Variants in HHIPL1 observed in about 807,000 individuals in gnomAD.
The protein encoded by HHIPL1 is HHIP-like protein 1.
In HHIPL1, 43 loss-of-function variants were observed where a neutral mutation model predicts 61.8. The observed-to-expected ratio is 0.70, with a 90% CI of 0.55 to 0.90. The LOEUF is 0.90. Ranked by LOEUF, HHIPL1 falls within the 40% of genes least tolerant of loss-of-function variation. The probability of loss-of-function intolerance (pLI) is 0.00; values close to 1 mark genes in which losing one functional copy is unlikely to be tolerated. For synonymous variants in HHIPL1, 482 were observed against 515.8 expected (o/e 0.93, Z 0.89); for missense variants, 1,056 against 1,157.7 (o/e 0.91, Z 1.28).
rs60594247 is a variant in HHIPL1, at chr14:99,678,547, C to T, written c.*2921C>T. The T allele has an allele frequency of 5.6e-4, 85 of 152,224 alleles. No individual in the cohort carries two copies. The highest frequency in any genetic ancestry group is 2.0e-3 in the African/African-American group (81 of 41,514). 9.4% of individuals were successfully genotyped at this position (152,224 alleles called of 1,614,324 possible). Reference sequence around the variant, plus strand: ...CTATGTCCATTGGCAGAAGCCAGACCGCACAATCTAAACTAAAACCCGATT... The same window carrying T: ...CTATGTCCATTGGCAGAAGCCAGACTGCACAATCTAAACTAAAACCCGATT... On this transcript the variant is annotated 3_prime_UTR_variant, in exon 9 of 9. Coordinates refer to ENST00000330710, the MANE Select transcript of HHIPL1 (RefSeq NM_001127258.3).
chr14:99,675,888 C>A lies in HHIPL1; in HGVS notation c.*262C>A, dbSNP rs1280514266. 1.0e-5 allele frequency: 4 copies of A among 397,462 alleles called. No individual in the cohort carries two copies. Among genetic ancestry groups the A allele is most frequent in the East Asian group, 3.7e-5 (1 of 26,740 alleles). The allele number at this position is 397,462 out of a possible 1,614,324, so 24.6% of individuals were successfully genotyped here. On this transcript the variant is annotated 3_prime_UTR_variant, in exon 9 of 9. Coordinates refer to ENST00000330710, the MANE Select transcript of HHIPL1 (RefSeq NM_001127258.3). This position sits in a 1 kb window ranked among gnomAD's most constrained non-coding sequence, Gnocchi z 5.4. ...GAGGAGTTCCTTTCTTACCTCCAAG[C>A]GTTTCAGACACCAGCAGGAACAGCA...
In HHIPL1 at chr14:99,676,871, TG is replaced by T. The variant is rs56356454; in HGVS notation, c.*1251del. 0.95 allele frequency: 141,031 copies of T among 147,784 alleles called. 67,473 individuals are homozygous for T. Among genetic ancestry groups the T allele is most frequent in the East Asian group, 1 (4,956 of 4,958 alleles). The allele number at this position is 147,784 out of a possible 1,614,324, so 9.2% of individuals were successfully genotyped here. A position where few individuals can be genotyped will look rare whatever the true frequency, so the allele number is the denominator to read the frequency against. On this transcript the variant is annotated 3_prime_UTR_variant, in exon 9 of 9. Transcript: ENST00000330710. Reference sequence around the variant, plus strand: ...GCTCAGCCTCGGATGGGAGCACGGGTGGGGGGTGGGTAAGCAGATGAGTCAC... The same window carrying T: ...GCTCAGCCTCGGATGGGAGCACGGGTGGGGGTGGGTAAGCAGATGAGTCAC...
the HHIPL1 span, among the ~76,000 whole-genome samples, chr14:99,633,650 A>G: frequency 6.6e-6 from 1 of 152,178 alleles, no homozygotes; most frequent in Non-Finnish European, 1.5e-5. Context: ...ATTGGGTTTA[A>G]CTATCCCGCT....
chr14:99,661,580 A>T (rs2056154927), intron 5 of HHIPL1, among the ~76,000 whole-genome samples: 1 of 151,772 alleles, frequency 6.6e-6, no homozygotes, highest in South Asian at 2.1e-4. Flanking sequence ...CAATCCTCCC[A>T]CCTCAGCCTC....
intron 2 of HHIPL1, among the ~76,000 whole-genome samples, chr14:99,653,584 C>T (rs888127373): frequency 1.3e-5 from 2 of 152,164 alleles, no homozygotes; most frequent in Admixed American, 6.5e-5. Context: ...CTGCCCGCCT[C>T]GGCCGAAGGT....
intron 2 of HHIPL1, among the ~76,000 whole-genome samples, chr14:99,653,589 G>A (rs1383955663): frequency 2.0e-5 from 3 of 151,922 alleles, no homozygotes; most frequent in South Asian, 2.1e-4. Context: ...CGCCTCGGCC[G>A]AAGGTGCCAT....
chr14:99,608,600 C>G, the HHIPL1 span, among the ~76,000 whole-genome samples: 1 of 152,176 alleles, frequency 6.6e-6, no homozygotes. Context: ...GGTGGCTGAC[C>G]AGGTCTGGGC....
the HHIPL1 span, among the ~76,000 whole-genome samples, chr14:99,634,935 GC>G: frequency 1.3e-5 from 2 of 152,172 alleles, no homozygotes; most frequent in African/African-American, 4.8e-5. Flanking sequence ...AGTGTAATGA[GC>G]CCCCCATCTC....
chr14:99,610,686 G>A, the HHIPL1 span, among the ~76,000 whole-genome samples: 8 of 152,194 alleles, frequency 5.3e-5, no homozygotes, highest in South Asian at 4.2e-4. Flanking sequence ...GCTTGAACCC[G>A]GGAGGCAGAG....
At chr14:99,633,474 G>A in the HHIPL1 span, among the ~76,000 whole-genome samples, 2 of 152,164 alleles carry the variant, frequency 1.3e-5, no homozygotes, top group African/African-American at 2.4e-5. Context: ...TGGAGTGTGG[G>A]CCCCTGTGGC....
intron 2 of HHIPL1, among the ~76,000 whole-genome samples, chr14:99,653,574 C>A (rs558002445): frequency 6.6e-6 from 1 of 152,212 alleles, no homozygotes; most frequent in Non-Finnish European, 1.5e-5. Flanking sequence ...CTCAGGCAAT[C>A]TGCCCGCCTC....
rs760359859 is a variant in HHIPL1 at position 99,668,914 on chromosome 14, C to T, written c.1730+611C>T. The stretch of plus-strand genomic sequence containing the variant: ...ATTGACGTCTCAGCCGTTCATTTTA[C>T]AGTGGTGGAAATGAGCACAAAGACA... On this transcript the variant is annotated intron_variant, in intron 7 of 8. Transcript: ENST00000330710. This position sits in a 1 kb window ranked among gnomAD's most constrained non-coding sequence, Gnocchi z 4.7. 6.2e-7 allele frequency: 1 copy of T among 1,612,942 alleles called. No homozygotes were observed. Among genetic ancestry groups the T allele is most frequent in the Non-Finnish European group, 8.5e-7 (1 of 1,178,998 alleles).
At chr14:99,640,877 CTTTT>C (rs59137552), upstream of HHIPL1, among the ~76,000 whole-genome samples, 2 of 69,870 alleles carry the variant, frequency 2.9e-5, no homozygotes, top group East Asian at 4.3e-4. Flanking sequence ...ACTTCTTCTT[CTTTT>C]TTTTTTTTTT....
At chr14:99,631,989 G>A in the HHIPL1 span, among the ~76,000 whole-genome samples, 3 of 152,296 alleles carry the variant, frequency 2.0e-5, no homozygotes, top group South Asian at 2.1e-4. Flanking sequence ...TGGGGGCCTG[G>A]GACAGAGCCT....
chr14:99,616,732 A>G, the HHIPL1 span, among the ~76,000 whole-genome samples: 7 of 152,312 alleles, frequency 4.6e-5, no homozygotes, highest in Non-Finnish European at 8.8e-5. Flanking sequence ...TTAAAATAAT[A>G]AAATAAGCCT....
chr14:99,644,945 C>CGGGGCTTTA (rs1001651701), upstream of HHIPL1, among the ~76,000 whole-genome samples: 1 of 152,168 alleles, frequency 6.6e-6, no homozygotes, highest in Admixed American at 6.5e-5. Flanking sequence ...GAAAACACAC[C>CGGGGCTTTA]GGGGCTTTAA....
chr14:99,646,768 C>T (rs1440294935), intron 1 of HHIPL1, among the ~76,000 whole-genome samples: 4 of 148,638 alleles, frequency 2.7e-5, no homozygotes, highest in African/African-American at 5.0e-5. Context: ...AGCAAGACTC[C>T]GTCTCAAAAA....
Position 99,659,687 on chromosome 14 carries a change from A to G in HHIPL1, c.1306A>G (p.Asn436Asp). ...EEVDVVERGGNYGWRAREGFE... is the reference protein window; with the variant it reads ...EEVDVVERGGDYGWRAREGFE... ...GGTGGACGTGGTGGAGCGCGGCGGC[A>G]ACTATGGCTGGCGCGCGCGCGAAGG... is the stretch of plus-strand genomic sequence containing the variant. The change falls in exon 4 of 9, where the codon AAC (asparagine) becomes GAC (aspartate). Residue 436 changes from asparagine to aspartate, a missense_variant. By Grantham distance (23) the Asn-to-Asp change is conservative. Transcript: ENST00000330710. The G allele has an allele frequency of 3.9e-6, 6 of 1,526,908 alleles. No individual in the cohort carries two copies. The highest frequency in any genetic ancestry group is 5.3e-6 in the Non-Finnish European group (6 of 1,142,262). 94.6% of individuals were successfully genotyped at this position (1,526,908 alleles called of 1,614,324 possible). A position where few individuals can be genotyped will look rare whatever the true frequency, so the allele number is the denominator to read the frequency against.
chr14:99,657,576 G>T (rs2056069516), intron 3 of HHIPL1, among the ~76,000 whole-genome samples: 1 of 152,160 alleles, frequency 6.6e-6, no homozygotes, highest in Non-Finnish European at 1.5e-5. Context: ...AGCACGTGGG[G>T]CTCCTGTCCC....
Sources: gnomAD v4.1 joint callset for allele counts (sites outside exome capture counted in the v4.1 genomes callset) on GRCh38, gnomAD v4.1.1 for gene constraint, Gnocchi (gnomAD v3.1) non-coding constraint, MANE v1.5 for transcripts, NCBI Gene and HGNC (gene_info 2026-07-23, HGNC 2026-07-21) for gene names.